GRHL1: variants seen among roughly 807,000 people sequenced by gnomAD.
GRHL1 encodes the protein grainyhead like transcription factor 1, also known as grainyhead-like protein 1 homolog.
A neutral mutation model predicts 75.7 loss-of-function variants in GRHL1; 38 were observed. That is an observed-to-expected ratio of 0.50 (90% confidence interval 0.39 to 0.66). GRHL1 has a LOEUF of 0.66. Among genes scored for constraint, GRHL1 ranks in the 30% least tolerant of loss-of-function variants. The pLI, the probability that GRHL1 is intolerant of heterozygous loss-of-function variation, is 0.00. For synonymous variants in GRHL1, 266 were observed against 279.4 expected (o/e 0.95, Z 0.48); for missense variants, 589 against 767.5 (o/e 0.77, Z 2.75).
chr2:9,993,359 G>C, intron 12 of GRHL1, 115 bp downstream of exon 12: 1 of 817,144 alleles, frequency 1.2e-6, no homozygotes, highest in Non-Finnish European at 2.1e-6. Flanking sequence ...TCAAGGATAA[G>C]TTGCCAGCCT....
At chr2:9,962,653 G>A (rs1319048313) in intron 5 of GRHL1, 122 bp downstream of exon 5, 7 of 682,612 alleles carry the variant, frequency 1.0e-5, no homozygotes, top group Non-Finnish European at 1.3e-5. Flanking sequence ...TACTTTTACT[G>A]TGGTACAGTC....
chr2:9,959,025 G>T, intron 3 of GRHL1, 169 bp downstream of exon 3: 1 of 1,104,526 alleles, frequency 9.1e-7, no homozygotes, highest in Non-Finnish European at 1.2e-6. Flanking sequence ...CTGTTGCTCT[G>T]AAATTTCCTT....
At chr2:9,954,092 T>C (rs1666911308) in intron 1 of GRHL1, among the ~76,000 whole-genome samples, 1 of 152,230 alleles carries the variant, frequency 6.6e-6, no homozygotes, top group Non-Finnish European at 1.5e-5. Flanking sequence ...CATTGATTTT[T>C]TTGGATTTTT....
intron 8 of GRHL1, among the ~76,000 whole-genome samples, chr2:9,972,211 C>T (rs543567742): frequency 1.8e-4 from 25 of 141,542 alleles, no homozygotes; most frequent in Admixed American, 1.1e-3. Flanking sequence ...TTTTTTTGGT[C>T]AAATTTTTCC....
intron 2 of GRHL1, among the ~76,000 whole-genome samples, chr2:9,958,219 C>T (rs1667118681): frequency 6.7e-6 from 1 of 150,086 alleles, no homozygotes; most frequent in South Asian, 2.1e-4. Context: ...GCTCTATCGC[C>T]CAGGCCAGAG....
At chr2:9,965,414 G>A in intron 8 of GRHL1, 33 bp downstream of exon 8, 3 of 1,156,500 alleles carry the variant, frequency 2.6e-6, no homozygotes, top group Non-Finnish European at 3.9e-6. Flanking sequence ...CTTATGTCCA[G>A]CCATTTGAGA....
In GRHL1 at chr2:10,001,410, T is replaced by TTATA. The variant is rs572497697; in HGVS notation, c.*706_*709dup. 30 of 152,672 alleles carry TTATA rather than the reference T, an allele frequency of 2.0e-4. No homozygotes were observed. The South Asian group carries it at 6.0e-3, about 31-fold the overall frequency. The allele number at this position is 152,672 out of a possible 1,614,324, so 9.5% of individuals were successfully genotyped here. On this transcript the variant is annotated 3_prime_UTR_variant, in exon 16 of 16. Coordinates refer to ENST00000324907, the MANE Select transcript of GRHL1 (RefSeq NM_198182.3). ...GTCTGTAAATGTGTACATACATGTC[T>TTATA]TATATAAATATATAATATATAAATA...
intron 8 of GRHL1, 128 bp from the exon 9 acceptor site, chr2:9,985,996 A>T: frequency 3.1e-6 from 2 of 652,272 alleles, no homozygotes. Context: ...CCCTTTTTTA[A>T]AAAATGAGAA....
In GRHL1 at chr2:9,976,801, T is replaced by C. The variant is rs571859555; in HGVS notation, c.1111-9323T>C. On this transcript the variant is annotated intron_variant, in intron 8 of 15. Transcript: ENST00000324907. ...TATATTTTTAGGGGTGAAGCAACTT[T>C]TGCCTTTTAAAGAGGATGTGTGTAG... is the stretch of plus-strand genomic sequence containing the variant. Among the ~76,000 whole-genome samples, 258 of 152,306 alleles carry C rather than the reference T, an allele frequency of 1.7e-3. 1 individual carries two copies. The highest frequency in any genetic ancestry group is 6.1e-3 in the African/African-American group (253 of 41,570).
chr2:9,996,507 C>T (rs1161473838), intron 14 of GRHL1, 106 bp downstream of exon 14: 2 of 814,536 alleles, frequency 2.5e-6, no homozygotes, highest in Admixed American at 2.0e-5. Flanking sequence ...GTCAGACCTT[C>T]TGGAATCCCT....
At chr2:9,982,645 G>C (rs933119729) in intron 8 of GRHL1, among the ~76,000 whole-genome samples, 1 of 152,196 alleles carries the variant, frequency 6.6e-6, no homozygotes, top group Non-Finnish European at 1.5e-5. Context: ...TGAGTCTGGG[G>C]TGGGCACCAG....
intron 14 of GRHL1, among the ~76,000 whole-genome samples, chr2:9,997,438 C>T (rs1401300032): frequency 1.3e-5 from 2 of 152,132 alleles, no homozygotes; most frequent in African/African-American, 2.4e-5. Flanking sequence ...GCACAGGCAG[C>T]GCCGTTCCCA....
At chr2:9,991,234 T>C (rs945635588) in intron 10 of GRHL1, among the ~76,000 whole-genome samples, 1 of 150,998 alleles carries the variant, frequency 6.6e-6, no homozygotes, top group African/African-American at 2.4e-5. Flanking sequence ...TTTGTTTTCT[T>C]TTTTTTTTAA....
chr2:9,973,682 T>C (rs1667828141), intron 8 of GRHL1, among the ~76,000 whole-genome samples: 1 of 152,256 alleles, frequency 6.6e-6, no homozygotes, highest in Admixed American at 6.5e-5. Flanking sequence ...TAGAGCAATC[T>C]TTTTGACTGA....
chr2:9,965,059 A>G, intron 7 of GRHL1: 1 of 427,338 alleles, frequency 2.3e-6, no homozygotes, highest in Non-Finnish European at 4.1e-6. Flanking sequence ...AAATTTCCTA[A>G]TTGTGACATA....
At chr2:9,978,457 G>C (rs1326077348) in intron 8 of GRHL1, among the ~76,000 whole-genome samples, 1 of 152,222 alleles carries the variant, frequency 6.6e-6, no homozygotes, top group Non-Finnish European at 1.5e-5. Flanking sequence ...CCAGAGTTTG[G>C]AAGTGCCTGT....
At chr2:9,993,767 T>C (rs1668742264) in intron 12 of GRHL1, among the ~76,000 whole-genome samples, 1 of 152,240 alleles carries the variant, frequency 6.6e-6, no homozygotes, top group African/African-American at 2.4e-5. Context: ...ACTAATGGTG[T>C]TCTTTGGTCA....
chr2:9,973,029 C>T (rs1188012143), intron 8 of GRHL1, among the ~76,000 whole-genome samples: 1 of 152,178 alleles, frequency 6.6e-6, no homozygotes, highest in East Asian at 1.9e-4. Context: ...AAACGCCCCA[C>T]ATAGATGTGG....
chr2:9,984,532 C>G (rs1668338626), intron 8 of GRHL1, among the ~76,000 whole-genome samples: 1 of 152,172 alleles, frequency 6.6e-6, no homozygotes, highest in Non-Finnish European at 1.5e-5. Flanking sequence ...GTAGCAGCTT[C>G]CAATGTCATA....
Sources: gnomAD v4.1 joint callset for allele counts (sites outside exome capture counted in the v4.1 genomes callset) on GRCh38, gnomAD v4.1.1 for gene constraint, MANE v1.5 for transcripts, NCBI Gene and HGNC (gene_info 2026-07-23, HGNC 2026-07-21) for gene names.